The following LMO7 variants were observed in gnomAD, a reference collection of about 807,000 sequenced individuals.
The protein encoded by LMO7 is LIM domain 7.
A neutral mutation model predicts 206.5 loss-of-function variants in LMO7; 120 were observed. That is an observed-to-expected ratio of 0.58 (90% CI 0.50 to 0.68). LMO7 has a LOEUF of 0.68. Ranked by LOEUF, LMO7 falls within the 30% of genes least tolerant of loss-of-function variation. The pLI, the probability that LMO7 is intolerant of heterozygous loss-of-function variation, is 0.00. For missense variants in LMO7, 1,959 were observed against 1,957.9 expected (o/e 1.00, Z -0.01); for synonymous variants, 706 against 681.5 (o/e 1.04, Z -0.56).
At chr13:75,733,509 A>C (rs1305264500) in intron 3 of LMO7, among the ~76,000 whole-genome samples, 2 of 152,028 alleles carry the variant, frequency 1.3e-5, no homozygotes, top group Non-Finnish European at 2.9e-5. Flanking sequence ...GAGTGACCCG[A>C]TTTTCCAGGT....
At chr13:75,715,327 T>C (rs1294787362) in intron 2 of LMO7, among the ~76,000 whole-genome samples, 1 of 152,226 alleles carries the variant, frequency 6.6e-6, no homozygotes. Flanking sequence ...AGAATAAATA[T>C]GTAATTTCTA....
intron 4 of LMO7, among the ~76,000 whole-genome samples, chr13:75,793,059 G>A (rs2053524724): frequency 6.6e-6 from 1 of 152,112 alleles, no homozygotes; most frequent in Non-Finnish European, 1.5e-5. Flanking sequence ...CCTTGAGTGT[G>A]CTTATGATCA....
chr13:75,621,804 AT>A lies in LMO7; in HGVS notation c.112del (p.Cys38ValfsTer23). The A allele has an allele frequency of 6.2e-7, 1 of 1,612,938 alleles. No homozygotes were observed. The highest frequency in any genetic ancestry group is 1.1e-5 in the South Asian group (1 of 90,810). The stretch of plus-strand genomic sequence containing the variant: ...CTCTGGAAATTTGGAGGCAACTGAT[AT>A]GTGCTCATGTCTGCATCTGTGTGGG... On this transcript the variant is annotated frameshift_variant, in exon 1 of 30. Coordinates refer to the LMO7 transcript ENST00000341547. LOFTEE classifies it high-confidence loss of function.
intron 9 of LMO7, chr13:75,807,188 G>A (rs937563509): frequency 2.8e-5 from 9 of 319,262 alleles, no homozygotes; most frequent in Non-Finnish European, 4.1e-5. Context: ...GTGCCTGGGA[G>A]GGGTACCTAG....
intron 4 of LMO7, among the ~76,000 whole-genome samples, chr13:75,763,645 A>G (rs2048474046): frequency 6.6e-6 from 1 of 152,174 alleles, no homozygotes; most frequent in Admixed American, 6.6e-5. Flanking sequence ...CCCAGACTGA[A>G]TCTACCGGTG....
intron 9 of LMO7, chr13:75,806,563 A>G (rs1427354334): frequency 6.6e-6 from 1 of 152,196 alleles, no homozygotes; most frequent in Non-Finnish European, 1.5e-5. Context: ...AGTTTACCTA[A>G]TTTCACGGTT....
rs2061155079 is a variant in LMO7, at chr13:75,859,355, T to C, written c.*1412T>C. On this transcript the variant is annotated 3_prime_UTR_variant, in exon 31 of 31. Coordinates refer to ENST00000377534, the MANE Select transcript of LMO7 (RefSeq NM_001306080.2). ...AAAGAATATAATTCTGAATCCCAAATTCCAAAGACAAGAACTCTGTGTTTG... is the reference window on the plus strand; with the variant it reads ...AAAGAATATAATTCTGAATCCCAAACTCCAAAGACAAGAACTCTGTGTTTG... 1 of 152,192 alleles carries C rather than the reference T, an allele frequency of 6.6e-6. No individual in the cohort carries two copies. Among genetic ancestry groups the C allele is most frequent in the Non-Finnish European group, 1.5e-5 (1 of 68,020 alleles). 9.4% of individuals were successfully genotyped at this position (152,192 alleles called of 1,614,324 possible). A position where few individuals can be genotyped will look rare whatever the true frequency, so the allele number is the denominator to read the frequency against.
In LMO7 at chr13:75,805,028, C is replaced by T; in HGVS notation, c.915-451C>T. On this transcript the variant is annotated intron_variant, in intron 8 of 30. Transcript: ENST00000377534. The stretch of plus-strand genomic sequence containing the variant: ...ACATAGTTTTGGATGACTTAGCCAA[C>T]CGTAGATTCCAAGTGAAAAAGAGGC... The T allele has an allele frequency of 3.0e-6, 3 of 1,000,976 alleles. No homozygotes were observed. The African/African-American group carries it at 5.2e-5, about 17-fold the overall frequency. The allele number at this position is 1,000,976 out of a possible 1,614,324, so 62.0% of individuals were successfully genotyped here. A position where few individuals can be genotyped will look rare whatever the true frequency, so the allele number is the denominator to read the frequency against.
At chr13:75,691,400 A>AACAGTAAACAACCTGGTGTC (rs1309275188) in intron 1 of LMO7, among the ~76,000 whole-genome samples, 7 of 152,196 alleles carry the variant, frequency 4.6e-5, no homozygotes, top group Non-Finnish European at 8.8e-5. Context: ...GGCCTGACTT[A>AACAGTAAACAACCTGGTGTC]ACAGTAAACA....
chr13:75,740,958 A>C (rs1226886100), intron 3 of LMO7, among the ~76,000 whole-genome samples: 3 of 152,150 alleles, frequency 2.0e-5, no homozygotes, highest in African/African-American at 7.2e-5. Context: ...TTTATTTTTC[A>C]CCTATCAGTG....
At chr13:75,716,351 A>G (rs1566343729) in intron 2 of LMO7, among the ~76,000 whole-genome samples, 1 of 152,198 alleles carries the variant, frequency 6.6e-6, no homozygotes. Flanking sequence ...AGTAATGAGG[A>G]TAGTTATATG....
intron 20 of LMO7, 176 bp downstream of exon 20, chr13:75,838,372 A>G (rs922711208): frequency 6.9e-7 from 1 of 1,459,622 alleles, no homozygotes; most frequent in Non-Finnish European, 9.1e-7. Flanking sequence ...CTTACAGTTC[A>G]TGGGTCTACC....
At chr13:75,856,441 C>A (rs1275010930) in intron 29 of LMO7, 65 bp from the exon 30 acceptor site, 2 of 935,502 alleles carry the variant, frequency 2.1e-6, no homozygotes, top group Non-Finnish European at 3.5e-6. Flanking sequence ...CCCCCCACCC[C>A]CAGGAGTGCC....
At chr13:75,855,480 G>A (rs2060856211) in intron 29 of LMO7, 112 bp downstream of exon 29, 15 of 615,082 alleles carry the variant, frequency 2.4e-5, no homozygotes, top group East Asian at 1.4e-4. Context: ...TGCTGTATTC[G>A]TCCATCTGTG....
chr13:75,707,826 A>G (rs1455956410), intron 1 of LMO7, among the ~76,000 whole-genome samples: 3 of 151,996 alleles, frequency 2.0e-5, no homozygotes, highest in Non-Finnish European at 2.9e-5. Flanking sequence ...GAAAGTACGT[A>G]AGTACAAGAG....
intron 3 of LMO7, among the ~76,000 whole-genome samples, chr13:75,732,245 G>A (rs535899353): frequency 2.4e-4 from 36 of 152,138 alleles, no homozygotes; most frequent in South Asian, 4.2e-4. Context: ...CATTCTCCCC[G>A]TCACTTTCAG....
chr13:75,781,351 C>A (rs1194618811), intron 4 of LMO7, among the ~76,000 whole-genome samples: 2 of 130,110 alleles, frequency 1.5e-5, no homozygotes, highest in Non-Finnish European at 3.1e-5. Flanking sequence ...TTGTTCAATT[C>A]CCACCTATGA....
intron 27 of LMO7, among the ~76,000 whole-genome samples, chr13:75,850,374 C>T (rs999131342): frequency 6.6e-6 from 1 of 152,120 alleles, no homozygotes; most frequent in Non-Finnish European, 1.5e-5. Context: ...ACCCTCTGAG[C>T]AATGTAGTTT....
intron 11 of LMO7, among the ~76,000 whole-genome samples, chr13:75,814,792 G>A (rs981996426): frequency 6.6e-6 from 1 of 152,120 alleles, no homozygotes; most frequent in Non-Finnish European, 1.5e-5. Flanking sequence ...AACACAGAGG[G>A]CACATTTAAG....
Sources: gnomAD v4.1 joint callset for allele counts (sites outside exome capture counted in the v4.1 genomes callset) on GRCh38, gnomAD v4.1.1 for gene constraint, MANE v1.5 for transcripts, NCBI Gene and HGNC (gene_info 2026-07-23, HGNC 2026-07-21) for gene names.